SPAG1: variants seen among roughly 807,000 people sequenced by gnomAD.
SPAG1 encodes the protein sperm associated antigen 1.
Under a neutral mutation model 100.5 loss-of-function variants are expected in SPAG1, and 69 were observed. The ratio of observed to expected loss-of-function variants is 0.69; its 90% CI spans 0.57 to 0.84. SPAG1 has a LOEUF of 0.84. Ranked by LOEUF, SPAG1 falls within the 40% of genes least tolerant of loss-of-function variation. The pLI, the probability that SPAG1 is intolerant of heterozygous loss-of-function variation, is 0.00. For synonymous variants in SPAG1, 336 were observed against 411.6 expected, an observed-to-expected ratio of 0.82 and a Z score of 2.22; for missense variants, 955 against 1,133.1, an observed-to-expected ratio of 0.84 and a Z score of 2.26.
chr8:100,199,276 T>C lies in SPAG1; in HGVS notation c.1096+5008T>C, dbSNP rs553576725. On this transcript the variant is annotated intron_variant, in intron 10 of 18. Coordinates refer to ENST00000388798, the MANE Select transcript of SPAG1 (RefSeq NM_003114.5). Reference sequence around the variant, plus strand: ...TTCTTTACATATTTGCCAGCACTTGTTATTGTCTGCCTTTTTGGCTATAGC... The same window carrying C: ...TTCTTTACATATTTGCCAGCACTTGCTATTGTCTGCCTTTTTGGCTATAGC... 7.9e-5 allele frequency among the ~76,000 whole-genome samples: 12 copies of C among 152,344 alleles called. No homozygotes were observed. The East Asian group carries it at 2.3e-3, about 29-fold the overall frequency.
chr8:100,209,353 A>T (rs1406409229), intron 10 of SPAG1, among the ~76,000 whole-genome samples: 5 of 148,182 alleles, frequency 3.4e-5, no homozygotes, highest in Non-Finnish European at 5.9e-5. Flanking sequence ...TAATATATAT[A>T]TTATATATCC....
chr8:100,233,888 C>G (rs1818887470), intron 16 of SPAG1, among the ~76,000 whole-genome samples: 1 of 152,208 alleles, frequency 6.6e-6, no homozygotes, highest in African/African-American at 2.4e-5. Flanking sequence ...GCAAGGATTG[C>G]TGTTGGAGGT....
intron 16 of SPAG1, among the ~76,000 whole-genome samples, chr8:100,235,359 G>C (rs967415866): frequency 6.6e-6 from 1 of 152,174 alleles, no homozygotes; most frequent in Non-Finnish European, 1.5e-5. Flanking sequence ...AGGACTTTCT[G>C]TGGGGACGTA....
At chr8:100,171,049 T>C (rs1586398255) in intron 3 of SPAG1, among the ~76,000 whole-genome samples, 1 of 152,160 alleles carries the variant, frequency 6.6e-6, no homozygotes, top group Admixed American at 6.5e-5. Flanking sequence ...AGAATTTTTA[T>C]CATGAATGGG....
intron 11 of SPAG1, among the ~76,000 whole-genome samples, 193 bp downstream of exon 11, chr8:100,213,621 C>T (rs552992276): frequency 2.0e-5 from 3 of 152,204 alleles, no homozygotes; most frequent in South Asian, 2.1e-4. Context: ...GGCATGTTCC[C>T]GGCCAGGCAC....
At chr8:100,184,164 A>G in intron 6 of SPAG1, 102 bp downstream of exon 6, 2 of 491,510 alleles carry the variant, frequency 4.1e-6, no homozygotes, top group Non-Finnish European at 7.1e-6. Context: ...TGCACAGATT[A>G]CCATGAAAAG....
rs571366602 is a variant in SPAG1 at position 100,232,183 on chromosome 8, A to C, written c.1988+895A>C. Among the ~76,000 whole-genome samples the C allele has an allele frequency of 2.0e-5, 3 of 152,242 alleles. No individual in the cohort carries two copies. In the East Asian group the frequency reaches 5.8e-4, roughly 29 times the overall value. The stretch of plus-strand genomic sequence containing the variant: ...CAGATGTTTTTCTGCCCTTCTGTTC[A>C]GCCTCTGTAGGATCGGGCATTATTG... On this transcript the variant is annotated intron_variant, in intron 15 of 18. Transcript: ENST00000388798.
chr8:100,166,476 C>T (rs1485284356), intron 3 of SPAG1, among the ~76,000 whole-genome samples: 1 of 152,082 alleles, frequency 6.6e-6, no homozygotes, highest in Non-Finnish European at 1.5e-5. Flanking sequence ...CCAGACTTCT[C>T]GAACTCCTGA....
At chr8:100,235,804 C>A (rs1002606963) in intron 16 of SPAG1, among the ~76,000 whole-genome samples, 5 of 152,100 alleles carry the variant, frequency 3.3e-5, no homozygotes, top group African/African-American at 1.2e-4. Flanking sequence ...GGGAGCCACA[C>A]AGTGTCCATG....
In SPAG1 at chr8:100,193,656, C is replaced by T. The variant is rs536617514; in HGVS notation, c.940-456C>T. Among the ~76,000 whole-genome samples, 3 of 152,272 alleles carry T rather than the reference C, an allele frequency of 2.0e-5. No homozygotes were observed. The South Asian group carries it at 6.2e-4, about 32-fold the overall frequency. On this transcript the variant is annotated intron_variant, in intron 9 of 18. Coordinates refer to ENST00000388798, the MANE Select transcript of SPAG1 (RefSeq NM_003114.5). The stretch of plus-strand genomic sequence containing the variant: ...TGTGGGCTGGGTGTGGTAGCTCACG[C>T]CTGTAATCCCAGAACTTCAGGAGGC...
chr8:100,213,015 C>CGCGGCCTCT, intron 10 of SPAG1, 75 bp from the exon 11 acceptor site: 1 of 1,221,074 alleles, frequency 8.2e-7, no homozygotes, highest in Non-Finnish European at 1.0e-6. Flanking sequence ...CCTGCACCCC[C>CGCGGCCTCT]GCGGCCTCCG....
intron 12 of SPAG1, among the ~76,000 whole-genome samples, chr8:100,219,544 C>G (rs897123184): frequency 1.3e-5 from 2 of 152,208 alleles, no homozygotes. Flanking sequence ...TTCAGTTTAC[C>G]ATGGGATTAT....
At chr8:100,227,703 G>A (rs752578222) in intron 14 of SPAG1, among the ~76,000 whole-genome samples, 3 of 152,178 alleles carry the variant, frequency 2.0e-5, no homozygotes, top group African/African-American at 4.8e-5. Context: ...GATTGATAGT[G>A]AGAATGGATA....
intron 1 of SPAG1, among the ~76,000 whole-genome samples, chr8:100,160,280 C>T (rs1815249328): frequency 6.6e-6 from 1 of 152,166 alleles, no homozygotes; most frequent in Non-Finnish European, 1.5e-5. Flanking sequence ...TAAGTTCTTT[C>T]ACAAACTAGA....
chr8:100,225,178 C>A lies in SPAG1; in HGVS notation c.1694C>A (p.Ser565Ter). Reference sequence around the variant, plus strand: ...AAAATTCACTTTCTCTTTAGGCTATCAAGAATTTTAATGGAGCTGGATGGA... The same window carrying A: ...AAAATTCACTTTCTCTTTAGGCTATAAAGAATTTTAATGGAGCTGGATGGA... ...QLANDSVNRL[S>*]RILMELDGPN... Residue 565 changes from serine (S) to a stop codon, truncating the protein, a stop_gained, in exon 14 of 19, where the codon TCA (serine) becomes TAA (stop). Transcript: ENST00000388798. LOFTEE classifies it high-confidence loss of function. 6.2e-7 allele frequency: 1 copy of A among 1,608,578 alleles called. No individual in the cohort carries two copies. The highest frequency in any genetic ancestry group is 1.1e-5 in the South Asian group (1 of 90,840).
chr8:100,226,769 T>A (rs1818533950), intron 14 of SPAG1, among the ~76,000 whole-genome samples: 1 of 152,096 alleles, frequency 6.6e-6, no homozygotes, highest in African/African-American at 2.4e-5. Context: ...GCTAAAGGAA[T>A]AAGACTGATA....
intron 4 of SPAG1, among the ~76,000 whole-genome samples, chr8:100,182,130 T>C (rs1353686808): frequency 6.6e-6 from 1 of 152,272 alleles, no homozygotes; most frequent in African/African-American, 2.4e-5. Context: ...CTTCAGACTA[T>C]ATAGATAAAT....
intron 15 of SPAG1, among the ~76,000 whole-genome samples, chr8:100,231,757 A>G (rs1342701852): frequency 1.3e-5 from 2 of 152,188 alleles, no homozygotes; most frequent in Non-Finnish European, 2.9e-5. Flanking sequence ...CAGGAGATCG[A>G]GACCATCCTG....
chr8:100,200,718 T>C (rs1007035425), intron 10 of SPAG1, among the ~76,000 whole-genome samples: 1 of 152,234 alleles, frequency 6.6e-6, no homozygotes, highest in Non-Finnish European at 1.5e-5. Flanking sequence ...CATTTTTTCA[T>C]ATGTCTGTTG....
Sources: allele counts gnomAD v4.1 joint callset (sites outside exome capture counted in the v4.1 genomes callset), GRCh38; gene constraint gnomAD v4.1.1; transcripts MANE v1.5; gene names NCBI Gene and HGNC (gene_info 2026-07-23, HGNC 2026-07-21).